Variants in FGF14 observed in about 807,000 individuals in gnomAD.
The protein encoded by FGF14 is fibroblast growth factor 14.
In FGF14, 5 loss-of-function variants were observed where a neutral mutation model predicts 25.5. The ratio of observed to expected loss-of-function variants is 0.20; its 90% CI spans 0.10 to 0.41. The LOEUF (loss-of-function observed/expected upper bound fraction) is 0.41. Ranked by LOEUF, FGF14 falls within the 10% of genes least tolerant of loss-of-function variation. The pLI is 1.00. For synonymous variants in FGF14, 138 were observed against 118.3 expected, an observed-to-expected ratio of 1.17 and a Z score of -1.08; for missense variants, 222 against 320.1, an observed-to-expected ratio of 0.69 and a Z score of 2.34.
At chr13:101,908,469 G>A (rs1162897031) in intron 1 of FGF14, among the ~76,000 whole-genome samples, 1 of 152,132 alleles carries the variant, frequency 6.6e-6, no homozygotes, top group African/African-American at 2.4e-5. Context: ...TTGTTGTGAA[G>A]ATTAAATAGT....
At chr13:101,968,673 C>CAAA (rs11410391) in intron 1 of FGF14, among the ~76,000 whole-genome samples, 9 of 79,038 alleles carry the variant, frequency 1.1e-4, no homozygotes, top group Middle Eastern at 7.2e-3. Context: ...ACTCCGTCTC[C>CAAA]AAAAAAAAAA....
At chr13:101,941,338 G>A (rs2035436551) in intron 1 of FGF14, among the ~76,000 whole-genome samples, 1 of 152,162 alleles carries the variant, frequency 6.6e-6, no homozygotes, top group African/African-American at 2.4e-5. Context: ...CTCTTAACTG[G>A]CCAAGCTATA....
intron 3 of FGF14, among the ~76,000 whole-genome samples, chr13:101,754,660 C>T (rs1466526210): frequency 2.0e-5 from 3 of 150,682 alleles, no homozygotes; most frequent in Admixed American, 6.6e-5. Context: ...ACCTGGGAGG[C>T]GGAGATTGCA....
chr13:102,209,075 T>C (rs1401911268), intron 1 of FGF14, among the ~76,000 whole-genome samples: 2 of 152,314 alleles, frequency 1.3e-5, no homozygotes, highest in African/African-American at 4.8e-5. Context: ...AGAATACACT[T>C]GCGAGGACGC....
intron 1 of FGF14, among the ~76,000 whole-genome samples, chr13:101,898,145 T>C (rs1273258431): frequency 6.6e-6 from 1 of 152,164 alleles, no homozygotes; most frequent in African/African-American, 2.4e-5. Context: ...TCCACCTGCC[T>C]CAGCCTCCCA....
chr13:101,875,269 C>T lies in FGF14; in HGVS notation c.221G>A (p.Arg74Lys). 6.2e-7 allele frequency: 1 copy of T among 1,613,308 alleles called. No individual in the cohort carries two copies. The highest frequency in any genetic ancestry group is 8.5e-7 in the Non-Finnish European group (1 of 1,179,424). Residue 74 changes from arginine to lysine, a missense_variant, in exon 2 of 5, where the codon AGG (arginine) becomes AAG (lysine). This residue lies in a region of FGF14 where 50 missense variants were observed against 75.2 expected (regional missense o/e 0.66). Transcript: ENST00000376143. ...QDPQLKGIVTRLYCRQGYYLQ... is the reference protein window; with the variant it reads ...QDPQLKGIVTKLYCRQGYYLQ... Reference sequence around the variant, plus strand: ...GTAGTAGCCTTGCCTGCAATATAACCTGGTCACTATACCCTTGAGCTGGGG... The same window carrying T: ...GTAGTAGCCTTGCCTGCAATATAACTTGGTCACTATACCCTTGAGCTGGGG...
chr13:101,868,666 T>C (rs1463398541), intron 3 of FGF14, 59 bp downstream of exon 3: 13 of 1,055,710 alleles, frequency 1.2e-5, no homozygotes, highest in Non-Finnish European at 3.0e-6. Context: ...TTGTTGTTGC[T>C]GCCATTGTTA....
intron 1 of FGF14, among the ~76,000 whole-genome samples, chr13:102,096,261 A>G (rs1026000047): frequency 9.2e-5 from 14 of 152,110 alleles, no homozygotes; most frequent in Non-Finnish European, 1.6e-4. Flanking sequence ...GATGATGCTG[A>G]TGTCCAGATG....
intron 3 of FGF14, among the ~76,000 whole-genome samples, chr13:101,741,608 G>T (rs2036561361): frequency 6.8e-6 from 1 of 146,744 alleles, no homozygotes; most frequent in Admixed American, 6.9e-5. Context: ...TTTAAAAATA[G>T]TTGTTATGCT....
intron 1 of FGF14, among the ~76,000 whole-genome samples, chr13:102,066,627 A>G (rs928320343): frequency 3.9e-5 from 6 of 152,218 alleles, no homozygotes. Flanking sequence ...CAAATGATAC[A>G]TTCAAACAGT....
At chr13:101,999,936 T>G (rs1209987669) in intron 1 of FGF14, among the ~76,000 whole-genome samples, 2 of 152,214 alleles carry the variant, frequency 1.3e-5, no homozygotes, top group Non-Finnish European at 2.9e-5. Flanking sequence ...TCTTCAAAGC[T>G]ATTCTTAACT....
chr13:102,194,419 T>C (rs1263043160), intron 1 of FGF14, among the ~76,000 whole-genome samples: 2 of 111,490 alleles, frequency 1.8e-5, no homozygotes, highest in African/African-American at 3.9e-5. Context: ...TTTATCCTGA[T>C]ACTCTCCCTC....
chr13:102,048,015 G>T (rs1322088915), intron 1 of FGF14, among the ~76,000 whole-genome samples: 4 of 144,666 alleles, frequency 2.8e-5, no homozygotes, highest in Non-Finnish European at 4.5e-5. Flanking sequence ...TATCTTAGTT[G>T]TTTAAAAAAA....
At chr13:102,245,728 C>A (rs144530927) in intron 1 of FGF14, among the ~76,000 whole-genome samples, 132 of 152,152 alleles carry the variant, frequency 8.7e-4, no homozygotes, top group African/African-American at 3.1e-3. Flanking sequence ...ATTTAATAAG[C>A]ACACTGCGTG....
intron 1 of FGF14, among the ~76,000 whole-genome samples, chr13:101,929,460 C>T (rs76772140): frequency 0.031 from 4,780 of 152,178 alleles, 290 homozygotes; most frequent in African/African-American, 0.11. Flanking sequence ...CTGTCAGTGA[C>T]GAAATTAGGA....
intron 1 of FGF14, among the ~76,000 whole-genome samples, chr13:102,092,363 C>A (rs2044203992): frequency 6.6e-6 from 1 of 152,182 alleles, no homozygotes; most frequent in South Asian, 2.1e-4. Flanking sequence ...TTGCACTTAT[C>A]CCAATTACGG....
chr13:102,035,962 G>A (rs2041452837), intron 1 of FGF14, among the ~76,000 whole-genome samples: 1 of 152,116 alleles, frequency 6.6e-6, no homozygotes, highest in African/African-American at 2.4e-5. Context: ...TCAATGTAAG[G>A]GAAATCCCTC....
At chr13:101,932,590 T>C (rs1354399901) in intron 1 of FGF14, among the ~76,000 whole-genome samples, 1 of 147,834 alleles carries the variant, frequency 6.8e-6, no homozygotes, top group African/African-American at 2.5e-5. Flanking sequence ...ATAATAAAAT[T>C]ACAGATTTAC....
intron 1 of FGF14, among the ~76,000 whole-genome samples, chr13:102,104,125 G>A (rs925472247): frequency 6.6e-6 from 1 of 152,146 alleles, no homozygotes; most frequent in South Asian, 2.1e-4. Flanking sequence ...GATCCTTTTG[G>A]TTCTGTTCTT....
Sources: allele counts gnomAD v4.1 joint callset (sites outside exome capture counted in the v4.1 genomes callset), GRCh38; gene constraint gnomAD v4.1.1; regional missense constraint gnomAD v4.1.1; transcripts MANE v1.5; gene names NCBI Gene and HGNC (gene_info 2026-07-23, HGNC 2026-07-21).